EBF1: variants seen among roughly 807,000 people sequenced by gnomAD.
EBF1 encodes the protein transcription factor COE1.
Under a neutral mutation model 68.4 loss-of-function variants are expected in EBF1, and 10 were observed. That is an observed-to-expected ratio of 0.15 (90% confidence interval 0.09 to 0.25). The LOEUF is 0.25. Among genes scored for constraint, EBF1 ranks in the 10% least tolerant of loss-of-function variants. EBF1 has a pLI of 1.00. For missense variants in EBF1, 509 were observed against 794.4 expected (o/e 0.64, Z 4.32); for synonymous variants, 298 against 299.8 (o/e 0.99, Z 0.06).
chr5:159,015,189 A>G (rs1765410944), intron 6 of EBF1, among the ~76,000 whole-genome samples: 1 of 152,230 alleles, frequency 6.6e-6, no homozygotes, highest in Non-Finnish European at 1.5e-5. Context: ...AACCTACCTC[A>G]GAGTATTGCA....
intron 6 of EBF1, among the ~76,000 whole-genome samples, chr5:158,899,169 C>T (rs1802770776): frequency 1.3e-5 from 2 of 152,188 alleles, no homozygotes; most frequent in Admixed American, 6.5e-5. Context: ...CAGTTTCTGC[C>T]TTGCATATGC....
In EBF1 at chr5:158,969,924, A is replaced by AAGAAAGAAAGAAAGAAAG. The variant is rs761760536; in HGVS notation, c.554+103471_554+103472insCTTTCTTTCTTTCTTTCT. Among the ~76,000 whole-genome samples, 13 of 115,930 alleles carry AAGAAAGAAAGAAAGAAAG rather than the reference A, an allele frequency of 1.1e-4. 1 individual carries two copies. The highest frequency in any genetic ancestry group is 2.9e-4 in the South Asian group (1 of 3,504). 76.1% of individuals were successfully genotyped at this position (115,930 alleles called of 152,430 possible). A position where few individuals can be genotyped will look rare whatever the true frequency, so the allele number is the denominator to read the frequency against. ...AGAAAGAAAGAAAGAAAGAAAAAAA[A>AAGAAAGAAAGAAAGAAAG]AAAAAAGGCTGCTGGAAGTTTTGCA... On this transcript the variant is annotated intron_variant, in intron 6 of 15. Transcript: ENST00000313708.
At chr5:158,811,798 G>T (rs1001311847) in intron 8 of EBF1, among the ~76,000 whole-genome samples, 1 of 152,150 alleles carries the variant, frequency 6.6e-6, no homozygotes, top group Non-Finnish European at 1.5e-5. Flanking sequence ...TCCAAGTTTA[G>T]TTTCTCAAAA....
chr5:158,930,824 A>G (rs1040841424), intron 6 of EBF1, among the ~76,000 whole-genome samples: 9 of 152,060 alleles, frequency 5.9e-5, no homozygotes, highest in Non-Finnish European at 1.2e-4. Flanking sequence ...CCCTGTTCCA[A>G]TCTCACCAAG....
intron 8 of EBF1, 110 bp downstream of exon 8, chr5:158,823,066 A>C: frequency 6.8e-7 from 1 of 1,479,558 alleles, no homozygotes; most frequent in Non-Finnish European, 9.4e-7. Context: ...TTATTCAAAA[A>C]GACTTTTGAA....
intron 6 of EBF1, among the ~76,000 whole-genome samples, chr5:158,969,249 C>T (rs930214561): frequency 6.6e-6 from 1 of 152,112 alleles, no homozygotes; most frequent in Admixed American, 6.5e-5. Flanking sequence ...TTTCAGTAAG[C>T]CAAAATTGCA....
At chr5:158,845,759 C>T (rs1791367173) in intron 6 of EBF1, among the ~76,000 whole-genome samples, 1 of 149,856 alleles carries the variant, frequency 6.7e-6, no homozygotes, top group Admixed American at 6.6e-5. Context: ...ATAATGACTA[C>T]AGCAGCTTTA....
rs1755922235 is a variant in EBF1, at chr5:158,697,283, T to C, written c.*1828A>G. On this transcript the variant is annotated 3_prime_UTR_variant, in exon 16 of 16. Transcript: ENST00000313708. ...AATAATATGCTACTATTTTTTTTTT[T>C]TTGCCATATATTGGAAAAAACTTCT... 1 of 192,148 alleles carries C rather than the reference T, an allele frequency of 5.2e-6. No individual in the cohort carries two copies. Among genetic ancestry groups the C allele is most frequent in the Non-Finnish European group, 1.1e-5 (1 of 92,182 alleles). The allele number at this position is 192,148 out of a possible 1,614,324, so 11.9% of individuals were successfully genotyped here.
At chr5:158,796,628 C>T (rs1358717442) in intron 8 of EBF1, 153 bp from the exon 9 acceptor site, 1 of 907,136 alleles carries the variant, frequency 1.1e-6, no homozygotes, top group South Asian at 2.9e-5. Flanking sequence ...CACATTAGGA[C>T]CTGAAACTTC....
intron 7 of EBF1, among the ~76,000 whole-genome samples, chr5:158,829,547 C>T (rs552049082): frequency 1.7e-4 from 26 of 150,914 alleles, no homozygotes; most frequent in Admixed American, 1.3e-3. Flanking sequence ...ATGTATCACA[C>T]TAATGCAAGA....
chr5:158,896,529 T>C (rs892808050), intron 6 of EBF1, among the ~76,000 whole-genome samples: 1 of 152,198 alleles, frequency 6.6e-6, no homozygotes, highest in African/African-American at 2.4e-5. Flanking sequence ...ACCCACAACT[T>C]CCTGATGAAA....
At chr5:158,765,784 C>G (rs1772528922) in intron 10 of EBF1, among the ~76,000 whole-genome samples, 1 of 152,184 alleles carries the variant, frequency 6.6e-6, no homozygotes, top group South Asian at 2.1e-4. Flanking sequence ...CACCTGCACT[C>G]TCAGTACCTT....
chr5:158,738,537 G>A (rs1765665729), intron 10 of EBF1, among the ~76,000 whole-genome samples: 1 of 152,172 alleles, frequency 6.6e-6, no homozygotes, highest in South Asian at 2.1e-4. Context: ...CCTTGTAGAG[G>A]TGCCATTTTA....
At chr5:158,713,236 G>T (rs1759854722) in intron 12 of EBF1, 89 bp from the exon 13 acceptor site, 3 of 1,148,568 alleles carry the variant, frequency 2.6e-6, no homozygotes, top group Non-Finnish European at 3.4e-6. Flanking sequence ...CGTGCTCAGG[G>T]TTTTCAATGG....
chr5:159,071,762 T>A lies in EBF1; in HGVS notation c.554+1634A>T, dbSNP rs541975633. 2.1e-4 allele frequency among the ~76,000 whole-genome samples: 32 copies of A among 152,238 alleles called. No homozygotes were observed. In the South Asian group the frequency reaches 6.6e-3, roughly 32 times the overall value. On this transcript the variant is annotated intron_variant, in intron 6 of 15. Transcript: ENST00000313708. ...GAAAAAAAAAAAAAAGTCTTTTCAT[T>A]GAGGGTGGCAAGGTAAGGTTCTTGT...
chr5:158,862,527 C>G (rs780574353), intron 6 of EBF1, among the ~76,000 whole-genome samples: 3 of 152,038 alleles, frequency 2.0e-5, no homozygotes, highest in Non-Finnish European at 4.4e-5. Flanking sequence ...AGAGAAGCCC[C>G]CTACGTGCCA....
At chr5:158,932,579 TTCAA>T (rs1382674375) in intron 6 of EBF1, among the ~76,000 whole-genome samples, 4 of 152,344 alleles carry the variant, frequency 2.6e-5, no homozygotes, top group South Asian at 2.1e-4. Context: ...TATAAAATAA[TTCAA>T]TAATATGTCT....
At position 158,947,314 on chromosome 5, in the gene EBF1, T is replaced by C. The variant is rs1283687798; in HGVS notation, c.555-107204A>G. Among the ~76,000 whole-genome samples the C allele has an allele frequency of 2.0e-5, 3 of 152,026 alleles. No individual in the cohort carries two copies. In the South Asian group the frequency reaches 6.2e-4, roughly 32 times the overall value. The stretch of plus-strand genomic sequence containing the variant: ...GTTTTGTGCTTGAAACCCAGGGCCA[T>C]TGTGGTATTGGCAACCGGGAGAATC... On this transcript the variant is annotated intron_variant, in intron 6 of 15. Coordinates refer to ENST00000313708, the MANE Select transcript of EBF1 (RefSeq NM_024007.5).
chr5:159,007,866 T>G (rs1763871364), intron 6 of EBF1, among the ~76,000 whole-genome samples: 1 of 152,186 alleles, frequency 6.6e-6, no homozygotes, highest in African/African-American at 2.4e-5. Context: ...TATCATGAGA[T>G]ATGAAGGAAA....
Sources: allele counts gnomAD v4.1 joint callset (sites outside exome capture counted in the v4.1 genomes callset), GRCh38; gene constraint gnomAD v4.1.1; transcripts MANE v1.5; gene names NCBI Gene and HGNC (gene_info 2026-07-23, HGNC 2026-07-21).